Variants in PCSK2 observed in about 807,000 individuals in gnomAD.
PCSK2 encodes neuroendocrine convertase 2.
PCSK2 carries 14 observed loss-of-function variants against 69.7 expected under a neutral mutation model. The observed-to-expected ratio is 0.20, with a 90% confidence interval of 0.13 to 0.31. The LOEUF (loss-of-function observed/expected upper bound fraction) is 0.31, where lower values mean the gene tolerates loss of function less well. PCSK2 is among the 10% of genes least tolerant of loss of function. The probability of loss-of-function intolerance (pLI) is 1.00; values close to 1 mark genes in which losing one functional copy is unlikely to be tolerated. For missense variants in PCSK2, 544 were observed against 842.5 expected (o/e 0.65, Z 4.39); for synonymous variants, 307 against 320.7 (o/e 0.96, Z 0.46).
intron 6 of PCSK2, among the ~76,000 whole-genome samples, chr20:17,421,394 A>G (rs1239169466): frequency 6.6e-6 from 1 of 152,172 alleles, no homozygotes; most frequent in Non-Finnish European, 1.5e-5. Context: ...TATTCTATCA[A>G]GTAGGCTCTT....
chr20:17,429,299 C>T, intron 6 of PCSK2, 136 bp from the exon 7 acceptor site: 1 of 677,586 alleles, frequency 1.5e-6, no homozygotes. Context: ...AAGGGCTGAC[C>T]TCTTCAGTGA....
intron 6 of PCSK2, among the ~76,000 whole-genome samples, chr20:17,412,288 G>A (rs1300849595): frequency 2.6e-5 from 4 of 152,114 alleles, no homozygotes; most frequent in African/African-American, 4.8e-5. Context: ...CTTGAAAAAA[G>A]GTTAGATGAA....
chr20:17,306,359 T>C (rs934955638), intron 2 of PCSK2, among the ~76,000 whole-genome samples: 5 of 152,132 alleles, frequency 3.3e-5, no homozygotes, highest in African/African-American at 1.2e-4. Context: ...CTTCGGTGAC[T>C]GAACCTGCAT....
At chr20:17,353,866 A>C (rs1338466452) in intron 2 of PCSK2, among the ~76,000 whole-genome samples, 1 of 152,248 alleles carries the variant, frequency 6.6e-6, no homozygotes, top group Non-Finnish European at 1.5e-5. Flanking sequence ...ATGCAGATGG[A>C]GTTCATTATC....
At chr20:17,454,527 G>T (rs983049080) in intron 9 of PCSK2, among the ~76,000 whole-genome samples, 5 of 152,076 alleles carry the variant, frequency 3.3e-5, no homozygotes, top group Non-Finnish European at 5.9e-5. Context: ...TTTATTGTTT[G>T]TTGCTCTTTT....
chr20:17,277,859 C>T (rs1383337397), intron 2 of PCSK2, among the ~76,000 whole-genome samples: 1 of 151,512 alleles, frequency 6.6e-6, no homozygotes, highest in African/African-American at 2.4e-5. Flanking sequence ...CAATGAACTC[C>T]AACAAATTTA....
chr20:17,441,771 C>T (rs2032602730), intron 8 of PCSK2, among the ~76,000 whole-genome samples: 1 of 152,054 alleles, frequency 6.6e-6, no homozygotes, highest in African/African-American at 2.4e-5. Context: ...CTGGGTCCTT[C>T]CCACAACATG....
At chr20:17,404,135 A>T (rs1014019063) in intron 5 of PCSK2, among the ~76,000 whole-genome samples, 9 of 152,086 alleles carry the variant, frequency 5.9e-5, no homozygotes, top group African/African-American at 1.9e-4. Context: ...TCCAATGCAG[A>T]CCCTAGTTGC....
chr20:17,418,703 G>A (rs2032056143), intron 6 of PCSK2, among the ~76,000 whole-genome samples: 1 of 152,144 alleles, frequency 6.6e-6, no homozygotes, highest in Admixed American at 6.5e-5. Context: ...GACCCAGCAT[G>A]AGCCTCCCAC....
intron 8 of PCSK2, among the ~76,000 whole-genome samples, chr20:17,445,617 G>T (rs922658058): frequency 2.0e-5 from 3 of 152,218 alleles, no homozygotes; most frequent in Non-Finnish European, 4.4e-5. Context: ...GATTAATCAG[G>T]CATGGGCGAG....
chr20:17,393,695 A>G (rs1449413705), intron 5 of PCSK2, among the ~76,000 whole-genome samples: 1 of 152,154 alleles, frequency 6.6e-6, no homozygotes, highest in African/African-American at 2.4e-5. Flanking sequence ...TATTAAATTT[A>G]TGAGACCTCT....
chr20:17,447,472 T>TA (rs2032722177), intron 8 of PCSK2, among the ~76,000 whole-genome samples: 1 of 152,196 alleles, frequency 6.6e-6, no homozygotes, highest in African/African-American at 2.4e-5. Context: ...AAACTATTTT[T>TA]AAGAAATGAC....
intron 2 of PCSK2, among the ~76,000 whole-genome samples, chr20:17,318,829 T>C (rs1000508350): frequency 6.6e-6 from 1 of 152,124 alleles, no homozygotes; most frequent in African/African-American, 2.4e-5. Flanking sequence ...TAGAGAGAAA[T>C]ACATCTGCCA....
intron 2 of PCSK2, among the ~76,000 whole-genome samples, chr20:17,307,838 C>CTTT (rs1989375423): frequency 6.6e-6 from 1 of 152,144 alleles, no homozygotes; most frequent in Non-Finnish European, 1.5e-5. Context: ...TATAAAAAAA[C>CTTT]ACCTCAGACT....
In PCSK2 at chr20:17,306,244, A is replaced by T. The variant is rs1411185088; in HGVS notation, c.282+45900A>T. ...TTGTAGATAAATTATCATGTTGAGT[A>T]GATTCTTTGTTTTCAACTTGGCATT... On this transcript the variant is annotated intron_variant, in intron 2 of 11. Coordinates refer to ENST00000262545, the MANE Select transcript of PCSK2 (RefSeq NM_002594.5). Among the ~76,000 whole-genome samples the T allele has an allele frequency of 3.9e-5, 6 of 152,170 alleles. No homozygotes were observed. The East Asian group carries it at 1.2e-3, about 29-fold the overall frequency.
chr20:17,451,600 A>G (rs2032823480), intron 8 of PCSK2, among the ~76,000 whole-genome samples: 1 of 152,170 alleles, frequency 6.6e-6, no homozygotes, highest in African/African-American at 2.4e-5. Context: ...TTTCCCCCAC[A>G]TTCTATTGGC....
At chr20:17,320,704 G>A (rs764270155) in intron 2 of PCSK2, among the ~76,000 whole-genome samples, 10 of 152,182 alleles carry the variant, frequency 6.6e-5, no homozygotes, top group African/African-American at 1.4e-4. Context: ...GAGGGTGCTC[G>A]GGGAGGATTA....
chr20:17,374,796 G>A (rs915853876), intron 5 of PCSK2, among the ~76,000 whole-genome samples: 11 of 152,186 alleles, frequency 7.2e-5, no homozygotes, highest in African/African-American at 2.7e-4. Flanking sequence ...CACTACCCAG[G>A]AGTAGAGATG....
chr20:17,408,684 CA>C (rs755745191), intron 5 of PCSK2, among the ~76,000 whole-genome samples: 1 of 152,202 alleles, frequency 6.6e-6, no homozygotes, highest in Non-Finnish European at 1.5e-5. Flanking sequence ...AAGTCTCTGA[CA>C]TATATTGGAC....
Sources: allele counts gnomAD v4.1 joint callset (sites outside exome capture counted in the v4.1 genomes callset), GRCh38; gene constraint gnomAD v4.1.1; transcripts MANE v1.5; gene names NCBI Gene and HGNC (gene_info 2026-07-23, HGNC 2026-07-21).